HS3ST2: variants seen among roughly 807,000 people sequenced by gnomAD.
The protein encoded by HS3ST2 is heparan sulfate glucosamine 3-O-sulfotransferase 2.
HS3ST2 carries 17 observed loss-of-function variants against 26.3 expected under a neutral mutation model. That is an observed-to-expected ratio of 0.65 (90% confidence interval 0.44 to 0.97). The LOEUF is 0.97. Ranked by LOEUF, HS3ST2 falls within the 50% of genes least tolerant of loss-of-function variation. The pLI, the probability that HS3ST2 is intolerant of heterozygous loss-of-function variation, is 0.00. For missense variants in HS3ST2, 402 were observed against 501.2 expected, an observed-to-expected ratio of 0.80 and a Z score of 1.89; for synonymous variants, 237 against 219.2, an observed-to-expected ratio of 1.08 and a Z score of -0.72.
At chr16:22,913,066 T>C (rs1009538670) in intron 1 of HS3ST2, among the ~76,000 whole-genome samples, 54 of 151,248 alleles carry the variant, frequency 3.6e-4, no homozygotes, top group African/African-American at 1.3e-3. Flanking sequence ...AATCAGTTGT[T>C]CTAGGACAGA....
intron 1 of HS3ST2, among the ~76,000 whole-genome samples, chr16:22,857,320 C>T (rs781438925): frequency 1.2e-4 from 19 of 152,130 alleles, no homozygotes; most frequent in Non-Finnish European, 1.6e-4. Flanking sequence ...ACCCAACCAC[C>T]GTCTTCTTTC....
chr16:22,814,864 C>T lies in HS3ST2; in HGVS notation c.254C>T (p.Ala85Val). Residue 85 changes from alanine (A) to valine (V), a missense_variant, in exon 1 of 2, where the codon GCT (alanine) becomes GTT (valine). Around this residue, in one of 2 missense-constraint regions of HS3ST2, gnomAD observed 165 missense variants for 154.6 expected, o/e 1.07. Coordinates refer to ENST00000261374, the MANE Select transcript of HS3ST2 (RefSeq NM_006043.2). Reference sequence around the variant, plus strand: ...GGGCCGACGCCCAGCGAGCCCAGCGCTCCCAGCGCGCCCGCCGCCGCCGTG... The same window carrying T: ...GGGCCGACGCCCAGCGAGCCCAGCGTTCCCAGCGCGCCCGCCGCCGCCGTG... Reference protein sequence around the residue: ...PSGPTPSEPSAPSAPAAAVPA... With the variant: ...PSGPTPSEPSVPSAPAAAVPA... 6.4e-7 allele frequency: 1 copy of T among 1,560,064 alleles called. No individual in the cohort carries two copies. The highest frequency in any genetic ancestry group is 8.7e-7 in the Non-Finnish European group (1 of 1,153,048).
chr16:22,818,272 G>A (rs936178565), intron 1 of HS3ST2, among the ~76,000 whole-genome samples: 2 of 152,164 alleles, frequency 1.3e-5, no homozygotes, highest in Non-Finnish European at 2.9e-5. Context: ...GAAGACCAGA[G>A]GTGGTCACCT....
rs564657272 is a variant in HS3ST2 at position 22,879,526 on chromosome 16, G to T, written c.486-35418G>T. On this transcript the variant is annotated intron_variant, in intron 1 of 1. Coordinates refer to ENST00000261374, the MANE Select transcript of HS3ST2 (RefSeq NM_006043.2). ...GCACACTCTGCTGGGGGGCATCCCAGTTGGAAATCCACCTCAGGGATCGGA... is the reference window on the plus strand; with the variant it reads ...GCACACTCTGCTGGGGGGCATCCCATTTGGAAATCCACCTCAGGGATCGGA... Among the ~76,000 whole-genome samples the T allele has an allele frequency of 3.3e-5, 5 of 152,334 alleles. No homozygotes were observed. The South Asian group carries it at 8.3e-4, about 25-fold the overall frequency.
At chr16:22,824,045 A>G (rs933353722) in intron 1 of HS3ST2, among the ~76,000 whole-genome samples, 1 of 152,256 alleles carries the variant, frequency 6.6e-6, no homozygotes, top group Non-Finnish European at 1.5e-5. Flanking sequence ...CCACATCTAC[A>G]TAGATTGTCA....
chr16:22,840,946 T>G (rs977009726), intron 1 of HS3ST2, among the ~76,000 whole-genome samples: 1 of 151,816 alleles, frequency 6.6e-6, no homozygotes, highest in Non-Finnish European at 1.5e-5. Flanking sequence ...GTATATCTCC[T>G]AATGCTATTC....
chr16:22,815,016 G>A lies in HS3ST2; in HGVS notation c.406G>A (p.Val136Ile), dbSNP rs201500290. The change falls in exon 1 of 2, where the codon GTA becomes ATA. Residue 136 changes from valine to isoleucine, a missense_variant. Coordinates refer to ENST00000261374, the MANE Select transcript of HS3ST2 (RefSeq NM_006043.2). The part of the protein sequence containing the change: ...GTRAVLEFIR[V>I]HPDVRALGTE... ...CCGGGCCGTGCTGGAGTTTATCCGA[G>A]TACACCCGGACGTGCGGGCCTTGGG... 1.3e-4 allele frequency: 211 copies of A among 1,613,038 alleles called. 1 individual carries two copies. Among genetic ancestry groups the A allele is most frequent in the Non-Finnish European group, 1.7e-4 (201 of 1,180,020 alleles).
chr16:22,842,838 A>G (rs1596611169), intron 1 of HS3ST2, among the ~76,000 whole-genome samples: 1 of 152,162 alleles, frequency 6.6e-6, no homozygotes, highest in African/African-American at 2.4e-5. Context: ...TGTTTAGAGC[A>G]TGTATTTTTA....
chr16:22,869,747 T>C lies in HS3ST2; in HGVS notation c.486-45197T>C, dbSNP rs1219843562. The stretch of plus-strand genomic sequence containing the variant: ...TTCTTCCCACCACATGTGGGAATTG[T>C]GGGAGTTACAATTCAAGATGAGATT... On this transcript the variant is annotated intron_variant, in intron 1 of 1. Coordinates refer to ENST00000261374, the MANE Select transcript of HS3ST2 (RefSeq NM_006043.2). 3.9e-5 allele frequency among the ~76,000 whole-genome samples: 6 copies of C among 152,292 alleles called. No homozygotes were observed. The East Asian group carries it at 1.2e-3, about 29-fold the overall frequency.
chr16:22,862,587 GT>G (rs1192197228), intron 1 of HS3ST2, among the ~76,000 whole-genome samples: 1 of 152,192 alleles, frequency 6.6e-6, no homozygotes, highest in Non-Finnish European at 1.5e-5. Flanking sequence ...TTCTACTGCT[GT>G]CCTGTGGATC....
At chr16:22,824,464 G>A (rs781597801) in intron 1 of HS3ST2, among the ~76,000 whole-genome samples, 5 of 152,086 alleles carry the variant, frequency 3.3e-5, no homozygotes, top group African/African-American at 9.7e-5. Flanking sequence ...AGAGAATGGC[G>A]TGAACCCGGG....
At chr16:22,851,287 A>G (rs1005086911) in intron 1 of HS3ST2, among the ~76,000 whole-genome samples, 4 of 152,242 alleles carry the variant, frequency 2.6e-5, no homozygotes, top group African/African-American at 9.6e-5. Context: ...CATCATTTAT[A>G]TAAACCACCT....
At chr16:22,911,762 T>C (rs1331174324) in intron 1 of HS3ST2, among the ~76,000 whole-genome samples, 1 of 152,184 alleles carries the variant, frequency 6.6e-6, no homozygotes, top group Non-Finnish European at 1.5e-5. Flanking sequence ...TCCGGGATGA[T>C]CTCATATGCA....
At chr16:22,892,782 A>G (rs1276752641) in intron 1 of HS3ST2, among the ~76,000 whole-genome samples, 1 of 152,204 alleles carries the variant, frequency 6.6e-6, no homozygotes, top group East Asian at 1.9e-4. Context: ...TTTACAATAT[A>G]TATATTAATA....
chr16:22,877,827 T>TAATG (rs1177332685), intron 1 of HS3ST2, among the ~76,000 whole-genome samples: 2 of 152,198 alleles, frequency 1.3e-5, no homozygotes, highest in African/African-American at 4.8e-5. Flanking sequence ...CAGTGCCGTG[T>TAATG]AATGAGTGCA....
intron 1 of HS3ST2, among the ~76,000 whole-genome samples, chr16:22,849,209 A>G (rs375243223): frequency 1.4e-4 from 22 of 152,204 alleles, no homozygotes; most frequent in African/African-American, 4.8e-4. Context: ...CTGACCCTCT[A>G]CAGGAACACA....
rs754106085 is a variant in HS3ST2, at chr16:22,814,835, C to G, written c.225C>G (p.Pro75=). 2.5e-6 allele frequency: 4 copies of G among 1,570,892 alleles called. No homozygotes were observed. In the East Asian group the frequency reaches 9.4e-5, roughly 37 times the overall value. The change falls in exon 1 of 2, where the codon CCC becomes CCG. Residue 75 remains proline (P), a synonymous_variant. Transcript: ENST00000261374. ...KLLQKSRPCD[P]SGPTPSEPSA... is the part of the protein sequence containing the mutation. ...TCCAGAAGTCCCGCCCCTGTGATCC[C>G]TCCGGGCCGACGCCCAGCGAGCCCA...
chr16:22,839,504 C>T (rs915960109), intron 1 of HS3ST2, among the ~76,000 whole-genome samples: 2 of 152,114 alleles, frequency 1.3e-5, no homozygotes, highest in South Asian at 2.1e-4. Context: ...ACGTTTTTTT[C>T]TTCTTGACTC....
chr16:22,908,982 G>C (rs187844128), intron 1 of HS3ST2, among the ~76,000 whole-genome samples: 113 of 152,286 alleles, frequency 7.4e-4, no homozygotes, highest in African/African-American at 2.6e-3. Flanking sequence ...ACAGAATCCA[G>C]AAGAAAGGGG....
Sources: allele counts gnomAD v4.1 joint callset (sites outside exome capture counted in the v4.1 genomes callset), GRCh38; gene constraint gnomAD v4.1.1; regional missense constraint gnomAD v4.1.1; transcripts MANE v1.5; gene names NCBI Gene and HGNC (gene_info 2026-07-23, HGNC 2026-07-21).